Variants in PADI4 observed in about 807,000 individuals in gnomAD.
The protein encoded by PADI4 is peptidyl arginine deiminase 4, also known as protein-arginine deiminase type-4.
A neutral mutation model predicts 75.0 loss-of-function variants in PADI4; 62 were observed. The observed-to-expected ratio is 0.83, with a 90% CI of 0.67 to 1.02. PADI4 has a LOEUF of 1.02. PADI4 is among the 50% of genes least tolerant of loss of function. The pLI is 0.00. For synonymous variants in PADI4, 361 were observed against 348.1 expected, an observed-to-expected ratio of 1.04 and a Z score of -0.41; for missense variants, 845 against 850.5, an observed-to-expected ratio of 0.99 and a Z score of 0.08.
intron 1 of PADI4, among the ~76,000 whole-genome samples, chr1:17,326,768 CTG>C (rs2074122915): frequency 6.6e-6 from 1 of 152,084 alleles, no homozygotes; most frequent in South Asian, 2.1e-4. Context: ...TTAGCAAAAT[CTG>C]TATCATTACT....
rs35025070 is a variant in PADI4 at position 17,351,023 on chromosome 1, C to CAA, written c.1155+2990_1155+2991dup. ...GCAACATAATGAGACCTTGTCCCTA[C>CAA]AAAAAAAAAAAAAAAATTGTTTCAA... On this transcript the variant is annotated intron_variant, in intron 10 of 15. Transcript: ENST00000375448. Among the ~76,000 whole-genome samples, 77 of 84,126 alleles carry CAA rather than the reference C, an allele frequency of 9.2e-4. 5 individuals carry two copies. Among genetic ancestry groups the CAA allele is most frequent in the African/African-American group, 2.5e-3 (71 of 27,886 alleles). The allele number at this position is 84,126 out of a possible 152,430, so 55.2% of individuals were successfully genotyped here. A position where few individuals can be genotyped will look rare whatever the true frequency, so the allele number is the denominator to read the frequency against.
chr1:17,347,965 C>T lies in PADI4; in HGVS notation c.1072C>T (p.Gln358Ter). The change falls in exon 10 of 16, where the codon CAA becomes TAA. Residue 358 changes from glutamine (Q) to a stop codon, truncating the protein, a stop_gained. Transcript: ENST00000375448. LOFTEE classifies it high-confidence loss of function. ...GGATGAAATGGAGATCGGCTACATC[C>T]AAGCCCCACACAAAACGCTGCCCGT... ...MQDEMEIGYI[Q>*]APHKTLPVVF... 1 of 1,599,560 alleles carries T rather than the reference C, an allele frequency of 6.3e-7. No homozygotes were observed. The highest frequency in any genetic ancestry group is 1.1e-5 in the South Asian group (1 of 89,142).
chr1:17,358,285 A>AAAAAGAATTTAAATGAGGT (rs1557583628), intron 13 of PADI4, among the ~76,000 whole-genome samples: 9 of 73,818 alleles, frequency 1.2e-4, no homozygotes, highest in Admixed American at 2.3e-4. Context: ...AATATATTTT[A>AAAAAGAATTTAAATGAGGT]GGCCGGGCGC....
chr1:17,347,860 G>C, intron 9 of PADI4, 81 bp from the exon 10 acceptor site: 2 of 683,610 alleles, frequency 2.9e-6, no homozygotes, highest in Non-Finnish European at 2.5e-6. Context: ...GTGAGTGGAT[G>C]GTTTCATGCC....
intron 8 of PADI4, among the ~76,000 whole-genome samples, chr1:17,345,804 C>T (rs150344503): frequency 4.5e-4 from 68 of 152,268 alleles, no homozygotes; most frequent in African/African-American, 1.4e-3. Flanking sequence ...AGCGTGAAAA[C>T]GGACTAATAC....
At chr1:17,347,910 G>C in intron 9 of PADI4, 31 bp from the exon 10 acceptor site, 1 of 1,342,974 alleles carries the variant, frequency 7.4e-7, no homozygotes, top group Non-Finnish European at 1.0e-6. Flanking sequence ...GGCAGCACGC[G>C]CAACAGCCTC....
intron 10 of PADI4, among the ~76,000 whole-genome samples, chr1:17,352,121 AGAGAGGTGATG>A (rs1349932924): frequency 3.1e-4 from 34 of 109,728 alleles, no homozygotes; most frequent in African/African-American, 9.6e-4. Context: ...GACTGTGGTC[AGAGAGGTGATG>A]GGAGGCAGTA....
chr1:17,334,306 A>ATT (rs1220064442), intron 3 of PADI4: 1 of 326,944 alleles, frequency 3.1e-6, no homozygotes, highest in South Asian at 2.3e-5. Flanking sequence ...CATCTCCATT[A>ATT]ATTTTTTTTT....
chr1:17,330,966 C>T lies in PADI4; in HGVS notation c.93-3C>T, dbSNP rs769347371. 1.3e-6 allele frequency: 2 copies of T among 1,547,750 alleles called. No individual in the cohort carries two copies. The highest frequency in any genetic ancestry group is 1.7e-6 in the Non-Finnish European group (2 of 1,152,282). On this transcript the variant is annotated splice_region_variant and splice_polypyrimidine_tract_variant and intron_variant, in intron 1 of 15. Coordinates refer to ENST00000375448, the MANE Select transcript of PADI4 (RefSeq NM_012387.3). ...TCTGCTTTCCCATGTGTCTTGTCCACAGCTCTGCCCCTGAGGACTGCACGT... is the reference window on the plus strand; with the variant it reads ...TCTGCTTTCCCATGTGTCTTGTCCATAGCTCTGCCCCTGAGGACTGCACGT...
chr1:17,339,399 C>T (rs191330335), intron 5 of PADI4, among the ~76,000 whole-genome samples: 45 of 152,306 alleles, frequency 3.0e-4, no homozygotes, highest in African/African-American at 1.0e-3. Flanking sequence ...ATTCAGGGAA[C>T]GTTGCAAGGA....
intron 10 of PADI4, among the ~76,000 whole-genome samples, chr1:17,353,102 C>A (rs766736614): frequency 1.3e-5 from 2 of 151,988 alleles, no homozygotes; most frequent in African/African-American, 4.8e-5. Context: ...CTTTGATGGG[C>A]GGGAGAAGCG....
chr1:17,361,820 A>C (rs2074852162), intron 15 of PADI4, among the ~76,000 whole-genome samples: 1 of 152,162 alleles, frequency 6.6e-6, no homozygotes, highest in Non-Finnish European at 1.5e-5. Context: ...TACATACATT[A>C]TTTACATATG....
intron 4 of PADI4, among the ~76,000 whole-genome samples, chr1:17,336,928 G>A (rs1248855632): frequency 6.6e-6 from 1 of 152,226 alleles, no homozygotes; most frequent in African/African-American, 2.4e-5. Flanking sequence ...CTCCCGCGAA[G>A]GGAGGCGCCA....
chr1:17,323,954 G>T (rs2074076269), intron 1 of PADI4, among the ~76,000 whole-genome samples: 1 of 152,086 alleles, frequency 6.6e-6, no homozygotes, highest in Admixed American at 6.6e-5. Context: ...ATTGTCCACT[G>T]TGAATCCACT....
At chr1:17,351,332 A>G (rs1239415040) in intron 10 of PADI4, among the ~76,000 whole-genome samples, 1 of 150,596 alleles carries the variant, frequency 6.6e-6, no homozygotes, top group Admixed American at 6.6e-5. Flanking sequence ...GGCTCATTCC[A>G]GTAATCCCAG....
intron 6 of PADI4, among the ~76,000 whole-genome samples, chr1:17,341,353 C>G (rs916814617): frequency 1.3e-5 from 2 of 152,182 alleles, no homozygotes; most frequent in African/African-American, 4.8e-5. Flanking sequence ...CCTGCCTCGG[C>G]CTCCCAAAGT....
chr1:17,312,482 G>A (rs1172936780), intron 1 of PADI4, among the ~76,000 whole-genome samples: 2 of 144,692 alleles, frequency 1.4e-5, no homozygotes, highest in African/African-American at 5.0e-5. Flanking sequence ...AAAAAAAGTG[G>A]GTATTGGGGC....
At chr1:17,347,769 G>A (rs957477256) in intron 9 of PADI4, among the ~76,000 whole-genome samples, 172 bp from the exon 10 acceptor site, 1 of 152,202 alleles carries the variant, frequency 6.6e-6, no homozygotes, top group Non-Finnish European at 1.5e-5. Context: ...GGGCAAACAG[G>A]GGGCAATAAG....
intron 1 of PADI4, among the ~76,000 whole-genome samples, chr1:17,311,788 G>A (rs548915984): frequency 1.3e-5 from 2 of 152,214 alleles, no homozygotes; most frequent in African/African-American, 4.8e-5. Flanking sequence ...GCCTCCCAAA[G>A]TGCTGGGATT....
Sources: gnomAD v4.1 joint callset for allele counts (sites outside exome capture counted in the v4.1 genomes callset) on GRCh38, gnomAD v4.1.1 for gene constraint, MANE v1.5 for transcripts, NCBI Gene and HGNC (gene_info 2026-07-23, HGNC 2026-07-21) for gene names.